UNC5D: variants seen among roughly 807,000 people sequenced by gnomAD.
UNC5D encodes the protein netrin receptor UNC5D.
Under a neutral mutation model 105.4 loss-of-function variants are expected in UNC5D, and 39 were observed. The observed-to-expected ratio is 0.37, with a 90% CI of 0.29 to 0.48. The LOEUF (loss-of-function observed/expected upper bound fraction) is 0.48, where lower values mean the gene tolerates loss of function less well. Ranked by LOEUF, UNC5D falls within the 20% of genes least tolerant of loss-of-function variation. The pLI is 0.98. For synonymous variants in UNC5D, 452 were observed against 450.4 expected (o/e 1.00, Z -0.04); for missense variants, 991 against 1,202.4 (o/e 0.82, Z 2.60).
chr8:35,448,927 CA>C (rs200959414), intron 1 of UNC5D, among the ~76,000 whole-genome samples: 3,540 of 152,178 alleles, frequency 0.023, 139 homozygotes, highest in African/African-American at 0.082. Flanking sequence ...CATGTTGCTG[CA>C]AAAGGTAGGA....
At chr8:35,251,208 A>G (rs777061956) in intron 1 of UNC5D, among the ~76,000 whole-genome samples, 12 of 152,136 alleles carry the variant, frequency 7.9e-5, no homozygotes, top group Non-Finnish European at 1.8e-4. Flanking sequence ...AAGATATTTA[A>G]TTGACTCACA....
intron 1 of UNC5D, among the ~76,000 whole-genome samples, chr8:35,533,695 C>A (rs1023250199): frequency 6.6e-6 from 1 of 152,116 alleles, no homozygotes; most frequent in African/African-American, 2.4e-5. Flanking sequence ...TAGCAATCAG[C>A]GAGATTCCGT....
intron 1 of UNC5D, among the ~76,000 whole-genome samples, chr8:35,471,185 A>G (rs1382282822): frequency 5.9e-5 from 9 of 152,126 alleles, no homozygotes; most frequent in Admixed American, 4.6e-4. Flanking sequence ...GATGACAGAA[A>G]CTGTTTAGCC....
Position 35,419,833 on chromosome 8 carries a change from C to T in UNC5D, c.104-129459C>T, listed in dbSNP as rs377069798. ...CCTGTGTCCAAGAAGAATGAGGTTG[C>T]ATGGACAACGGAGAGTGAGGAAGGC... is the stretch of plus-strand genomic sequence containing the variant. On this transcript the variant is annotated intron_variant, in intron 1 of 16. Coordinates refer to ENST00000404895, the MANE Select transcript of UNC5D (RefSeq NM_080872.4). Among the ~76,000 whole-genome samples, 52 of 152,224 alleles carry T rather than the reference C, an allele frequency of 3.4e-4. 1 individual carries two copies. The highest frequency in any genetic ancestry group is 1.2e-3 in the Admixed American group (18 of 15,294).
intron 1 of UNC5D, among the ~76,000 whole-genome samples, chr8:35,469,941 T>C (rs1390843658): frequency 1.3e-5 from 2 of 152,204 alleles, no homozygotes; most frequent in Non-Finnish European, 2.9e-5. Context: ...CCTTCTTCAA[T>C]GTATGCTACA....
At chr8:35,396,718 G>C (rs1257176580) in intron 1 of UNC5D, among the ~76,000 whole-genome samples, 1 of 151,602 alleles carries the variant, frequency 6.6e-6, no homozygotes, top group African/African-American at 2.4e-5. Flanking sequence ...GGCTGGTCTT[G>C]AACTCCTGAC....
chr8:35,243,021 T>C (rs2128802743), intron 1 of UNC5D, among the ~76,000 whole-genome samples: 1 of 152,300 alleles, frequency 6.6e-6, no homozygotes, highest in Admixed American at 6.5e-5. Flanking sequence ...TCAGTGCTTT[T>C]CAGATGTTAA....
intron 1 of UNC5D, among the ~76,000 whole-genome samples, chr8:35,250,486 C>A (rs541432245): frequency 6.6e-6 from 1 of 151,966 alleles, no homozygotes; most frequent in Admixed American, 6.6e-5. Flanking sequence ...AGCATAGTAC[C>A]CAATAGTTAG....
At chr8:35,369,426 AGTGGAAAACACTAATAGG>A (rs1802307405) in intron 1 of UNC5D, among the ~76,000 whole-genome samples, 2 of 152,200 alleles carry the variant, frequency 1.3e-5, no homozygotes, top group Non-Finnish European at 2.9e-5. Context: ...TTTATAATTA[AGTGGAAAACACTAATAGG>A]GAAGATTTAT....
At chr8:35,458,825 T>C (rs989829769) in intron 1 of UNC5D, among the ~76,000 whole-genome samples, 6 of 152,180 alleles carry the variant, frequency 3.9e-5, no homozygotes, top group African/African-American at 1.4e-4. Context: ...AAGAATCTCA[T>C]GAAAGGCTGG....
At chr8:35,607,520 C>T (rs953493973) in intron 4 of UNC5D, among the ~76,000 whole-genome samples, 2 of 152,092 alleles carry the variant, frequency 1.3e-5, no homozygotes, top group Non-Finnish European at 2.9e-5. Context: ...TGCTTTGTGT[C>T]GTCATCCAAA....
Position 35,620,926 on chromosome 8 carries a change from G to A in UNC5D, c.570+25269G>A, listed in dbSNP as rs568175734. On this transcript the variant is annotated intron_variant, in intron 4 of 16. Transcript: ENST00000404895. ...AAGACTTGGAGAAGCGTAAGATAGA[G>A]CAAGGATTCTCAGCCTTAACACTGT... is the stretch of plus-strand genomic sequence containing the variant. Among the ~76,000 whole-genome samples the A allele has an allele frequency of 3.3e-5, 5 of 152,260 alleles. No homozygotes were observed. The East Asian group carries it at 7.7e-4, about 24-fold the overall frequency.
intron 1 of UNC5D, among the ~76,000 whole-genome samples, chr8:35,346,819 G>A (rs1025203446): frequency 1.3e-5 from 2 of 151,920 alleles, no homozygotes; most frequent in Non-Finnish European, 2.9e-5. Flanking sequence ...AAGGCAGTAA[G>A]TGTTCACTGC....
chr8:35,487,593 A>ACACACACACACACACACCCCCC (rs1415748793), intron 1 of UNC5D, among the ~76,000 whole-genome samples: 2 of 150,472 alleles, frequency 1.3e-5, no homozygotes, highest in African/African-American at 4.9e-5. Flanking sequence ...ACACACACAC[A>ACACACACACACACACACCCCCC]CCCCACAGAC....
At chr8:35,620,089 T>C (rs903419637) in intron 4 of UNC5D, among the ~76,000 whole-genome samples, 1 of 152,206 alleles carries the variant, frequency 6.6e-6, no homozygotes, top group Non-Finnish European at 1.5e-5. Flanking sequence ...AAGATCTTCA[T>C]GTCATTAGAT....
At chr8:35,624,925 A>G (rs1206943190) in intron 4 of UNC5D, among the ~76,000 whole-genome samples, 4 of 152,174 alleles carry the variant, frequency 2.6e-5, no homozygotes, top group Non-Finnish European at 5.9e-5. Context: ...GGCCTTTTCA[A>G]TTACGGGAAT....
chr8:35,392,144 G>A lies in UNC5D; in HGVS notation c.103+156257G>A, dbSNP rs1317847183. Among the ~76,000 whole-genome samples, 6 of 152,156 alleles carry A rather than the reference G, an allele frequency of 3.9e-5. 1 individual carries two copies. Among genetic ancestry groups the A allele is most frequent in the African/African-American group, 1.4e-4 (6 of 41,422 alleles). ...ATTTCTTTCCAAAGGTTCTCTAGGG[G>A]AGAATTTATTTCCTTGGATTTCTCA... On this transcript the variant is annotated intron_variant, in intron 1 of 16. Coordinates refer to ENST00000404895, the MANE Select transcript of UNC5D (RefSeq NM_080872.4).
intron 16 of UNC5D, among the ~76,000 whole-genome samples, chr8:35,778,327 C>G (rs1404489713): frequency 6.6e-6 from 1 of 152,150 alleles, no homozygotes; most frequent in Non-Finnish European, 1.5e-5. Context: ...CAGAAATTGT[C>G]AAGTTCCCTT....
At chr8:35,433,888 C>T (rs1018647492) in intron 1 of UNC5D, among the ~76,000 whole-genome samples, 2 of 151,148 alleles carry the variant, frequency 1.3e-5, no homozygotes, top group Non-Finnish European at 3.0e-5. Context: ...AAAGAAAATA[C>T]TATATTCTCA....
Sources: allele counts gnomAD v4.1 joint callset (sites outside exome capture counted in the v4.1 genomes callset), GRCh38; gene constraint gnomAD v4.1.1; transcripts MANE v1.5; gene names NCBI Gene and HGNC (gene_info 2026-07-23, HGNC 2026-07-21).